TPST1: variants seen among roughly 807,000 people sequenced by gnomAD.
TPST1 encodes the protein protein-tyrosine sulfotransferase 1.
Under a neutral mutation model 34.8 loss-of-function variants are expected in TPST1, and 20 were observed. That is an observed-to-expected ratio of 0.57 (90% CI 0.40 to 0.84). The LOEUF (loss-of-function observed/expected upper bound fraction) is 0.84. Ranked by LOEUF, TPST1 falls within the 40% of genes least tolerant of loss-of-function variation. The probability of loss-of-function intolerance (pLI) is 0.00; values close to 1 mark genes in which losing one functional copy is unlikely to be tolerated. For synonymous variants in TPST1, 152 were observed against 159.4 expected, an observed-to-expected ratio of 0.95 and a Z score of 0.35; for missense variants, 353 against 455.5, an observed-to-expected ratio of 0.78 and a Z score of 2.05.
At chr7:66,299,506 A>G (rs1791271729) in intron 3 of TPST1, among the ~76,000 whole-genome samples, 1 of 151,906 alleles carries the variant, frequency 6.6e-6, no homozygotes, top group Non-Finnish European at 1.5e-5. Context: ...TTTGACTGCT[A>G]TAAGATTTTT....
intron 3 of TPST1, among the ~76,000 whole-genome samples, chr7:66,321,010 T>C (rs1361808811): frequency 6.6e-6 from 1 of 152,254 alleles, no homozygotes; most frequent in Non-Finnish European, 1.5e-5. Context: ...TTGGTGAACA[T>C]GAATAATGCA....
At chr7:66,265,103 A>C (rs1185015394) in intron 2 of TPST1, among the ~76,000 whole-genome samples, 5 of 152,320 alleles carry the variant, frequency 3.3e-5, no homozygotes, top group African/African-American at 1.2e-4. Context: ...AGTTCTATTG[A>C]CTTTATCTAA....
intron 1 of TPST1, among the ~76,000 whole-genome samples, chr7:66,224,678 T>C (rs910379527): frequency 1.3e-5 from 2 of 152,098 alleles, no homozygotes; most frequent in Non-Finnish European, 2.9e-5. Flanking sequence ...CTGATCCTGT[T>C]TTTGGTTAGC....
chr7:66,309,849 GA>G (rs34918646), intron 3 of TPST1, among the ~76,000 whole-genome samples: 2 of 151,146 alleles, frequency 1.3e-5, no homozygotes, highest in Non-Finnish European at 2.9e-5. Context: ...TTTTAACAGG[GA>G]AAAAAAGAGC....
intron 1 of TPST1, among the ~76,000 whole-genome samples, chr7:66,207,844 A>G (rs1265703227): frequency 6.6e-6 from 1 of 152,132 alleles, no homozygotes; most frequent in Non-Finnish European, 1.5e-5. Flanking sequence ...ACATATACAA[A>G]CATTACTATT....
intron 2 of TPST1, among the ~76,000 whole-genome samples, chr7:66,246,350 G>A (rs1327095575): frequency 6.6e-6 from 1 of 151,818 alleles, no homozygotes; most frequent in Non-Finnish European, 1.5e-5. Context: ...AAGCTATATT[G>A]AAGAGAGAAG....
At chr7:66,357,128 A>C (rs1792597538) in intron 5 of TPST1, among the ~76,000 whole-genome samples, 1 of 152,214 alleles carries the variant, frequency 6.6e-6, no homozygotes, top group African/African-American at 2.4e-5. Context: ...GGCTCATAAT[A>C]AGCGCACAAT....
chr7:66,231,821 G>A (rs1789802766), intron 1 of TPST1, among the ~76,000 whole-genome samples: 1 of 152,272 alleles, frequency 6.6e-6, no homozygotes, highest in African/African-American at 2.4e-5. Flanking sequence ...CTCCTCAGGT[G>A]CCACCAAAGT....
chr7:66,206,645 T>G (rs1047231878), intron 1 of TPST1, among the ~76,000 whole-genome samples: 4 of 152,212 alleles, frequency 2.6e-5, no homozygotes, highest in African/African-American at 9.6e-5. Flanking sequence ...GTGTAATTAC[T>G]CCCCATCCCC....
At chr7:66,327,935 C>G (rs1007374123) in intron 3 of TPST1, among the ~76,000 whole-genome samples, 7 of 148,134 alleles carry the variant, frequency 4.7e-5, no homozygotes, top group African/African-American at 1.8e-4. Flanking sequence ...CAGGCCAAAT[C>G]TGGCCTATCA....
At position 66,222,556 on chromosome 7, in the gene TPST1, G is replaced by A. The variant is rs561041594; in HGVS notation, c.-102+17034G>A. ...GTGTGCTTTGAGGTTACAGAAGAGG[G>A]AACAATTGATTTTTGTGCAGGAAAG... is the stretch of plus-strand genomic sequence containing the variant. On this transcript the variant is annotated intron_variant, in intron 1 of 5. Coordinates refer to ENST00000304842, the MANE Select transcript of TPST1 (RefSeq NM_003596.4). Among the ~76,000 whole-genome samples, 9 of 152,246 alleles carry A rather than the reference G, an allele frequency of 5.9e-5. No homozygotes were observed. In the South Asian group the frequency reaches 1.7e-3, roughly 28 times the overall value.
intron 2 of TPST1, among the ~76,000 whole-genome samples, chr7:66,266,312 T>C (rs1413430629): frequency 6.6e-6 from 1 of 151,880 alleles, no homozygotes; most frequent in African/African-American, 2.4e-5. Flanking sequence ...GTATTATTAG[T>C]CCATAGGGAA....
At chr7:66,235,685 G>A (rs771229477) in intron 1 of TPST1, among the ~76,000 whole-genome samples, 1 of 152,158 alleles carries the variant, frequency 6.6e-6, no homozygotes, top group Non-Finnish European at 1.5e-5. Context: ...TGGGGAACAC[G>A]CCTGTGAAGC....
intron 2 of TPST1, among the ~76,000 whole-genome samples, chr7:66,253,492 C>T (rs1002698942): frequency 1.3e-5 from 2 of 150,706 alleles, no homozygotes; most frequent in African/African-American, 4.9e-5. Context: ...TGCCTCAATT[C>T]TCCCGAGTAG....
At chr7:66,334,552 C>T (rs979418244) in intron 3 of TPST1, among the ~76,000 whole-genome samples, 4 of 147,146 alleles carry the variant, frequency 2.7e-5, no homozygotes, top group Non-Finnish European at 5.9e-5. Context: ...AGGAGAATTG[C>T]TTGAACTCGG....
At position 66,351,552 on chromosome 7, in the gene TPST1, G is replaced by A. The variant is rs995947948; in HGVS notation, c.1045-953G>A. Among the ~76,000 whole-genome samples the A allele has an allele frequency of 1.3e-5, 2 of 151,660 alleles. 1 individual carries two copies. Among genetic ancestry groups the A allele is most frequent in the South Asian group, 4.2e-4 (2 of 4,802 alleles). On this transcript the variant is annotated intron_variant, in intron 3 of 5. Coordinates refer to ENST00000304842, the MANE Select transcript of TPST1 (RefSeq NM_003596.4). ...TGTAGCTGTATAATAGTAATGTATC[G>A]ATATCTGGTAGAATAAGTTCTTCTA...
chr7:66,345,758 A>G (rs1038484488), intron 3 of TPST1, among the ~76,000 whole-genome samples: 3 of 152,078 alleles, frequency 2.0e-5, no homozygotes, highest in Non-Finnish European at 4.4e-5. Flanking sequence ...CGGGTATACA[A>G]TATGTAATAA....
intron 1 of TPST1, among the ~76,000 whole-genome samples, chr7:66,231,087 C>T (rs915945940): frequency 4.6e-5 from 7 of 152,122 alleles, no homozygotes; most frequent in Middle Eastern, 3.4e-3. Context: ...CTGAGCTAGA[C>T]ATAAAGGTTC....
intron 3 of TPST1, among the ~76,000 whole-genome samples, chr7:66,345,406 T>C (rs1413317628): frequency 6.8e-6 from 1 of 146,514 alleles, no homozygotes; most frequent in African/African-American, 2.6e-5. Context: ...GGCAGGAGAA[T>C]TGCTTGAACC....
Sources: gnomAD v4.1 joint callset for allele counts (sites outside exome capture counted in the v4.1 genomes callset) on GRCh38, gnomAD v4.1.1 for gene constraint, MANE v1.5 for transcripts, NCBI Gene and HGNC (gene_info 2026-07-23, HGNC 2026-07-21) for gene names.